MAST4: variants seen among roughly 807,000 people sequenced by gnomAD.
The protein encoded by MAST4 is microtubule associated serine/threonine kinase family member 4, also known as microtubule-associated serine/threonine-protein kinase 4.
MAST4 carries 89 observed loss-of-function variants against 162.7 expected under a neutral mutation model. That is an observed-to-expected ratio of 0.55 (90% confidence interval 0.46 to 0.65). The LOEUF (loss-of-function observed/expected upper bound fraction) is 0.65, where lower values mean the gene tolerates loss of function less well. MAST4 is among the 30% of genes least tolerant of loss of function. The probability of loss-of-function intolerance (pLI) is 0.00; values close to 1 mark genes in which losing one functional copy is unlikely to be tolerated. For synonymous variants in MAST4, 1,479 were observed against 1,361.1 expected (o/e 1.09, Z -1.91); for missense variants, 3,153 against 3,374.0 (o/e 0.93, Z 1.62).
intron 12 of MAST4, among the ~76,000 whole-genome samples, chr5:67,115,733 A>G (rs1009211449): frequency 6.6e-6 from 1 of 152,252 alleles, no homozygotes; most frequent in Non-Finnish European, 1.5e-5. Flanking sequence ...TTCAGGCATT[A>G]CAAAATGATG....
intron 1 of MAST4, among the ~76,000 whole-genome samples, chr5:66,747,443 C>G (rs1380550782): frequency 6.6e-6 from 1 of 152,082 alleles, no homozygotes; most frequent in Non-Finnish European, 1.5e-5. Flanking sequence ...TAAACACATT[C>G]TATTGATGCA....
At chr5:66,946,500 G>A (rs1189978210) in intron 4 of MAST4, among the ~76,000 whole-genome samples, 2 of 152,066 alleles carry the variant, frequency 1.3e-5, no homozygotes, top group Admixed American at 6.6e-5. Flanking sequence ...TATTCAAAAT[G>A]TATTGCTGAC....
intron 1 of MAST4, among the ~76,000 whole-genome samples, chr5:66,650,222 C>A (rs1561237912): frequency 6.6e-6 from 1 of 152,160 alleles, no homozygotes; most frequent in Admixed American, 6.5e-5. Flanking sequence ...TCTGGCCAAA[C>A]TTGTCTCCTT....
At chr5:66,910,755 C>CTT (rs1157602201) in intron 4 of MAST4, among the ~76,000 whole-genome samples, 3 of 28,882 alleles carry the variant, frequency 1.0e-4, no homozygotes, top group Non-Finnish European at 2.5e-4. Flanking sequence ...TTTTTTTTTT[C>CTT]TTTTTTTTTT....
chr5:66,809,530 T>G (rs1756373222), intron 3 of MAST4, among the ~76,000 whole-genome samples: 1 of 152,158 alleles, frequency 6.6e-6, no homozygotes. Flanking sequence ...TACAGGGATA[T>G]ATGAGAAAGG....
chr5:66,778,493 C>T (rs1754704947), intron 2 of MAST4, among the ~76,000 whole-genome samples: 1 of 151,864 alleles, frequency 6.6e-6, no homozygotes, highest in Non-Finnish European at 1.5e-5. Context: ...TAATATCTGC[C>T]CTTATTAGAA....
chr5:67,098,081 T>TA (rs1331829699), intron 7 of MAST4, among the ~76,000 whole-genome samples: 1 of 152,128 alleles, frequency 6.6e-6, no homozygotes, highest in Middle Eastern at 3.2e-3. Context: ...TTTAACTGTT[T>TA]AAAAAATCAA....
At chr5:66,637,299 G>A (rs1580065687) in intron 1 of MAST4, among the ~76,000 whole-genome samples, 1 of 149,094 alleles carries the variant, frequency 6.7e-6, no homozygotes, top group African/African-American at 2.5e-5. Context: ...TTTCACATAA[G>A]TATTCCTGTT....
rs140605190 is a variant in MAST4 at position 66,814,676 on chromosome 5, A to G, written c.642+25882A>G. On this transcript the variant is annotated intron_variant, in intron 3 of 28. Transcript: ENST00000403625. ...ATACTGGGGATTTTTAAAAAGATGT[A>G]TCTGTCAAGCATGTGAGATAAAGGT... 4.9e-3 allele frequency among the ~76,000 whole-genome samples: 750 copies of G among 152,346 alleles called. 9 individuals are homozygous for G. The highest frequency in any genetic ancestry group is 0.018 in the African/African-American group (728 of 41,586).
intron 1 of MAST4, among the ~76,000 whole-genome samples, chr5:66,620,408 A>G (rs2149406179): frequency 6.6e-6 from 1 of 152,308 alleles, no homozygotes; most frequent in East Asian, 1.9e-4. Context: ...GTACTTCTTT[A>G]TTTGTAATAA....
intron 4 of MAST4, among the ~76,000 whole-genome samples, chr5:66,950,212 A>C (rs1744506693): frequency 6.6e-6 from 1 of 151,064 alleles, no homozygotes; most frequent in Middle Eastern, 3.4e-3. Context: ...AGGGTAAGTA[A>C]ACTAGTATAC....
intron 5 of MAST4, among the ~76,000 whole-genome samples, chr5:67,088,048 TTATC>T (rs1349512049): frequency 3.9e-5 from 6 of 152,200 alleles, no homozygotes; most frequent in African/African-American, 1.4e-4. Flanking sequence ...ATTCACCTCT[TTATC>T]TATATCTCTG....
intron 2 of MAST4, among the ~76,000 whole-genome samples, chr5:66,782,108 G>A (rs1754898826): frequency 6.6e-6 from 1 of 151,954 alleles, no homozygotes. Context: ...GGCCGACATG[G>A]TGAAACCCTG....
intron 4 of MAST4, among the ~76,000 whole-genome samples, chr5:66,997,669 G>A (rs984878001): frequency 1.3e-5 from 2 of 151,918 alleles, no homozygotes; most frequent in African/African-American, 2.4e-5. Context: ...CTGACCTCAG[G>A]TGCACCACCT....
chr5:67,141,412 A>T (rs1770400949), intron 19 of MAST4, among the ~76,000 whole-genome samples: 1 of 152,174 alleles, frequency 6.6e-6, no homozygotes, highest in African/African-American at 2.4e-5. Flanking sequence ...TATGGTGTTC[A>T]TATTTTTGAT....
At chr5:66,840,787 T>A (rs1441583801) in intron 3 of MAST4, among the ~76,000 whole-genome samples, 2 of 152,166 alleles carry the variant, frequency 1.3e-5, no homozygotes, top group African/African-American at 4.8e-5. Context: ...TCTGTGGAGC[T>A]GACCTACGTG....
In MAST4 at chr5:67,146,089, C is replaced by T. The variant is rs140458562; in HGVS notation, c.3094+710C>T. Among the ~76,000 whole-genome samples the T allele has an allele frequency of 2.0e-4, 31 of 152,308 alleles. No individual in the cohort carries two copies. In the East Asian group the frequency reaches 6.0e-3, roughly 29 times the overall value. On this transcript the variant is annotated intron_variant, in intron 23 of 28. Transcript: ENST00000403625. ...CCACTGAAGACAAAAGTTACCTTCCCCATCTCTGGGTAATTGGAGTAAGAA... is the reference window on the plus strand; with the variant it reads ...CCACTGAAGACAAAAGTTACCTTCCTCATCTCTGGGTAATTGGAGTAAGAA...
At position 67,114,223 on chromosome 5, in the gene MAST4, A is replaced by G. The variant is rs1277972318; in HGVS notation, c.1591+4A>G. On this transcript the variant is annotated splice_donor_region_variant and intron_variant, in intron 12 of 28. Transcript: ENST00000403625. ...CTCAATAAGGATCCCTTGGAAGGTG[A>G]GTCCCTGGGTTGTTCCTACCTTTGA... 2 of 1,609,174 alleles carry G rather than the reference A, an allele frequency of 1.2e-6. No individual in the cohort carries two copies. Among genetic ancestry groups the G allele is most frequent in the Non-Finnish European group, 1.7e-6 (2 of 1,178,288 alleles).
At chr5:66,978,362 T>C (rs1309805166) in intron 4 of MAST4, among the ~76,000 whole-genome samples, 1 of 152,248 alleles carries the variant, frequency 6.6e-6, no homozygotes, top group Non-Finnish European at 1.5e-5. Flanking sequence ...AATCAGTCTT[T>C]AGGAAGTCTT....
Sources: allele counts gnomAD v4.1 joint callset (sites outside exome capture counted in the v4.1 genomes callset), GRCh38; gene constraint gnomAD v4.1.1; transcripts MANE v1.5; gene names NCBI Gene and HGNC (gene_info 2026-07-23, HGNC 2026-07-21).